Variants in NAV3 observed in about 807,000 individuals in gnomAD.
NAV3 encodes the protein pore membrane and/or filament interacting like protein 1.
NAV3 carries 87 observed loss-of-function variants against 244.7 expected under a neutral mutation model. The ratio of observed to expected loss-of-function variants is 0.36; its 90% confidence interval spans 0.30 to 0.42. The LOEUF is 0.42. Among genes scored for constraint, NAV3 ranks in the 20% least tolerant of loss-of-function variants. The pLI is 1.00. For missense variants in NAV3, 2,663 were observed against 2,893.3 expected, an observed-to-expected ratio of 0.92 and a Z score of 1.83; for synonymous variants, 1,126 against 1,042.2, an observed-to-expected ratio of 1.08 and a Z score of -1.55.
intron 2 of NAV3, among the ~76,000 whole-genome samples, chr12:77,775,082 G>C (rs1870283655): frequency 6.6e-6 from 1 of 152,100 alleles, no homozygotes. Context: ...TTTAGACATG[G>C]ATATTCCACT....
intron 3 of NAV3, among the ~76,000 whole-genome samples, chr12:77,952,828 A>C (rs1443198304): frequency 6.6e-6 from 1 of 152,178 alleles, no homozygotes; most frequent in Non-Finnish European, 1.5e-5. Context: ...TGGTCTTGTG[A>C]AACAAATAAT....
upstream of NAV3, among the ~76,000 whole-genome samples, chr12:77,826,440 C>T (rs572005080): frequency 3.0e-3 from 449 of 151,734 alleles, 2 homozygotes; most frequent in African/African-American, 0.01. Context: ...TGTAGTGAGC[C>T]GAGATCACAC....
intron 12 of NAV3, among the ~76,000 whole-genome samples, chr12:78,097,486 C>T (rs763264865): frequency 1.2e-4 from 18 of 152,116 alleles, no homozygotes; most frequent in Non-Finnish European, 2.4e-4. Context: ...AACTATCTTT[C>T]ACCCCCATCT....
intron 20 of NAV3, among the ~76,000 whole-genome samples, chr12:78,141,576 C>T (rs1473719210): frequency 1.3e-5 from 2 of 152,076 alleles, no homozygotes; most frequent in Admixed American, 6.6e-5. Context: ...ATAGATTAAT[C>T]TCATATATTT....
intron 12 of NAV3, among the ~76,000 whole-genome samples, chr12:78,096,353 TG>T (rs1435701099): frequency 6.6e-6 from 1 of 152,144 alleles, no homozygotes; most frequent in Non-Finnish European, 1.5e-5. Flanking sequence ...CACCAGCTCC[TG>T]GGAAATTTAT....
At chr12:77,973,960 A>T (rs1347000142) in intron 5 of NAV3, among the ~76,000 whole-genome samples, 1 of 148,902 alleles carries the variant, frequency 6.7e-6, no homozygotes, top group Non-Finnish European at 1.5e-5. Context: ...TTTTATCTCT[A>T]GAGAGAAATA....
intron 1 of NAV3, among the ~76,000 whole-genome samples, chr12:77,938,931 CGTGTGTGTGT>C (rs35392593): frequency 2.8e-5 from 4 of 142,502 alleles, no homozygotes; most frequent in South Asian, 4.6e-4. Context: ...AATGTGATCT[CGTGTGTGTGT>C]GTGTGTGTGT....
intron 9 of NAV3, among the ~76,000 whole-genome samples, chr12:78,030,541 G>A (rs867216552): frequency 3.3e-5 from 5 of 152,180 alleles, no homozygotes. Context: ...TCTGTGTGGT[G>A]AATATGATGA....
chr12:77,873,744 G>GTGTGTATACATATATATA (rs776225440), intron 1 of NAV3, among the ~76,000 whole-genome samples: 2 of 73,182 alleles, frequency 2.7e-5, no homozygotes, highest in African/African-American at 4.5e-5. Flanking sequence ...ATGTGTGTGT[G>GTGTGTATACATATATATA]TATATATATA....
At chr12:77,939,006 G>A (rs1270773) in intron 1 of NAV3, among the ~76,000 whole-genome samples, 128,289 of 151,278 alleles carry the variant, frequency 0.85, 54,528 homozygotes, top group East Asian at 0.98. Flanking sequence ...CATCAATTCT[G>A]GAACTCTTCA....
chr12:77,754,896 TAGTC>T (rs1364888471), intron 2 of NAV3, among the ~76,000 whole-genome samples: 3 of 152,184 alleles, frequency 2.0e-5, no homozygotes, highest in Admixed American at 6.5e-5. Flanking sequence ...ACCAAGGACA[TAGTC>T]AGGTAATGAT....
chr12:77,594,682 GT>G (rs970495015), intron 2 of NAV3, among the ~76,000 whole-genome samples: 2 of 152,222 alleles, frequency 1.3e-5, no homozygotes, highest in East Asian at 1.9e-4. Context: ...TTAGAAGACC[GT>G]TTTTTCCCCC....
intron 5 of NAV3, among the ~76,000 whole-genome samples, chr12:77,976,300 T>A (rs574428034): frequency 1.3e-5 from 2 of 152,056 alleles, no homozygotes; most frequent in African/African-American, 4.8e-5. Flanking sequence ...CATGGAAAAA[T>A]AAGCAGATAG....
At chr12:77,994,710 T>C in intron 5 of NAV3, 93 bp from the exon 6 acceptor site, 4 of 958,488 alleles carry the variant, frequency 4.2e-6, no homozygotes, top group Non-Finnish European at 6.5e-6. Context: ...TCCAATTGCA[T>C]TTCATTAATT....
intron 2 of NAV3, among the ~76,000 whole-genome samples, chr12:77,619,214 T>C (rs887656809): frequency 1.6e-4 from 25 of 152,160 alleles, no homozygotes; most frequent in Non-Finnish European, 3.1e-4. Context: ...CTTCAGAAAA[T>C]AGAGCTCTCT....
At chr12:77,997,514 T>C (rs982813641) in intron 6 of NAV3, among the ~76,000 whole-genome samples, 1 of 152,184 alleles carries the variant, frequency 6.6e-6, no homozygotes, top group African/African-American at 2.4e-5. Context: ...AATTATAAGA[T>C]AGTCTGTTCA....
intron 34 of NAV3, among the ~76,000 whole-genome samples, chr12:78,193,577 G>T (rs1959073882): frequency 6.6e-6 from 1 of 152,042 alleles, no homozygotes; most frequent in South Asian, 2.1e-4. Context: ...CCTTCTACCT[G>T]ACTAGATCTG....
chr12:78,051,972 G>A (rs963176544), intron 11 of NAV3, among the ~76,000 whole-genome samples: 6 of 152,144 alleles, frequency 3.9e-5, no homozygotes, highest in African/African-American at 1.4e-4. Context: ...GGCCCCGGCT[G>A]GGAACTAACG....
intron 9 of NAV3, among the ~76,000 whole-genome samples, chr12:78,038,356 T>G (rs181907487): frequency 2.4e-3 from 361 of 152,334 alleles, no homozygotes; most frequent in African/African-American, 8.1e-3. Context: ...TGAAAGGAAT[T>G]AAACCTGGGA....
Sources: gnomAD v4.1 joint callset for allele counts (sites outside exome capture counted in the v4.1 genomes callset) on GRCh38, gnomAD v4.1.1 for gene constraint, MANE v1.5 for transcripts, NCBI Gene and HGNC (gene_info 2026-07-23, HGNC 2026-07-21) for gene names.